AGAP3: variants seen among roughly 807,000 people sequenced by gnomAD.
AGAP3 encodes ArfGAP with GTPase domain, ankyrin repeat and PH domain 3, also known as arf-GAP with GTPase, ANK repeat and PH domain-containing protein 3.
AGAP3 carries 24 observed loss-of-function variants against 96.9 expected under a neutral mutation model. That is an observed-to-expected ratio of 0.25 (90% CI 0.18 to 0.35). The LOEUF (loss-of-function observed/expected upper bound fraction) is 0.35. Ranked by LOEUF, AGAP3 falls within the 10% of genes least tolerant of loss-of-function variation. The pLI is 1.00. For synonymous variants in AGAP3, 563 were observed against 536.1 expected (o/e 1.05, Z -0.69); for missense variants, 876 against 1,254.2 (o/e 0.70, Z 4.55).
chr7:151,106,700 C>A, intron 1 of AGAP3, among the ~76,000 whole-genome samples: 1 of 152,170 alleles, frequency 6.6e-6, no homozygotes, highest in East Asian at 1.9e-4. Context: ...TGATCTCGAA[C>A]TCCTGACCTC....
At chr7:151,115,215 C>G (rs1047503858) in intron 1 of AGAP3, 448 of 1,001,540 alleles carry the variant, frequency 4.5e-4, no homozygotes, top group Non-Finnish European at 5.2e-4. Flanking sequence ...GGGTCTGGGG[C>G]GCGCGGGCAG....
intron 8 of AGAP3, chr7:151,122,776 C>G: frequency 6.2e-7 from 1 of 1,613,898 alleles, no homozygotes; most frequent in Non-Finnish European, 8.5e-7. Context: ...TTTCCAACTC[C>G]TTCCAAATTA....
At position 151,117,261 on chromosome 7, in the gene AGAP3, C is replaced by T. The variant is rs1585074081; in HGVS notation, c.478+79C>T. 3.2e-6 allele frequency: 5 copies of T among 1,572,520 alleles called. No individual in the cohort carries two copies. In the East Asian group the frequency reaches 1.1e-4, roughly 35 times the overall value. On this transcript the variant is annotated intron_variant, in intron 3 of 17. Transcript: ENST00000397238. ...TGCCCACAGGGTCTGGGTGGGGGGT[C>T]TCCAGCCCCCTTCCAGTCCTCTTCC...
rs767921983 is a variant in AGAP3, at chr7:151,117,160, T to C, written c.456T>C (p.Tyr152=). 10 of 1,614,062 alleles carry C rather than the reference T, an allele frequency of 6.2e-6. No individual in the cohort carries two copies. Among genetic ancestry groups the C allele is most frequent in the Middle Eastern group, 3.3e-4 (2 of 6,058 alleles). Residue 152 remains tyrosine, a synonymous_variant, in exon 3 of 18, where the codon TAT becomes TAC. Transcript: ENST00000397238. The part of the protein sequence containing the change: ...ALVHRYLTGT[Y]VQEESPEGGR... ...TGCACCGCTATCTGACGGGGACCTA[T>C]GTCCAGGAGGAGTCCCCTGAAGGTG...
chr7:151,087,106 G>A lies in AGAP3; in HGVS notation c.331+34G>A. 3.2e-6 allele frequency: 5 copies of A among 1,562,250 alleles called. No homozygotes were observed. The South Asian group carries it at 4.7e-5, about 15-fold the overall frequency. On this transcript the variant is annotated intron_variant, in intron 1 of 17. Transcript: ENST00000397238. ...AGCCGGGGGCTGCGGGAGCCGGGGC[G>A]CAGTGGCCTCTCCGGCGCCGGCCGA...
chr7:151,144,100 AGAGT>A lies in AGAP3; in HGVS notation c.*158_*161del. On this transcript the variant is annotated 3_prime_UTR_variant, in exon 18 of 18. Coordinates refer to ENST00000397238, the MANE Select transcript of AGAP3 (RefSeq NM_031946.7). ...GGGAGGAGAGTCAAAGGGATCAAGG[AGAGT>A]TGGGGATTTGAGCTGCAGCAGAGAG... 1.3e-6 allele frequency: 1 copy of A among 781,312 alleles called. No individual in the cohort carries two copies. The highest frequency in any genetic ancestry group is 2.0e-6 in the Non-Finnish European group (1 of 498,476). The allele number at this position is 781,312 out of a possible 1,614,324, so 48.4% of individuals were successfully genotyped here. A position where few individuals can be genotyped will look rare whatever the true frequency, so the allele number is the denominator to read the frequency against.
chr7:151,114,715 G>A lies in AGAP3; in HGVS notation c.332-2078G>A, dbSNP rs1335508733. On this transcript the variant is annotated intron_variant, in intron 1 of 17. Coordinates refer to ENST00000397238, the MANE Select transcript of AGAP3 (RefSeq NM_031946.7). The surrounding 1 kb of genome is among the most constrained non-coding windows in gnomAD (Gnocchi z 4.4). ...TGCGCCCCGGCCGCGGCCCCGGCCC[G>A]GGCCCAGCCCCGTGCCCCTCGCCAT... 3 of 1,000,978 alleles carry A rather than the reference G, an allele frequency of 3.0e-6. No homozygotes were observed. Among genetic ancestry groups the A allele is most frequent in the African/African-American group, 1.7e-5 (1 of 57,322 alleles). The allele number at this position is 1,000,978 out of a possible 1,614,324, so 62.0% of individuals were successfully genotyped here.
chr7:151,141,811 A>G lies in AGAP3; in HGVS notation c.1805-87A>G. On this transcript the variant is annotated intron_variant, in intron 13 of 17. Coordinates refer to ENST00000397238, the MANE Select transcript of AGAP3 (RefSeq NM_031946.7). This position sits in a 1 kb window ranked among gnomAD's most constrained non-coding sequence, Gnocchi z 4.2. Reference sequence around the variant, plus strand: ...AGGGGAGGACACTTGCCAGTGGAGCAGGGTAGTGAGTGGAGTTGTGGCGAT... The same window carrying G: ...AGGGGAGGACACTTGCCAGTGGAGCGGGGTAGTGAGTGGAGTTGTGGCGAT... 6.4e-7 allele frequency: 1 copy of G among 1,555,644 alleles called. No homozygotes were observed. Among genetic ancestry groups the G allele is most frequent in the South Asian group, 1.1e-5 (1 of 89,016 alleles).
intron 1 of AGAP3, among the ~76,000 whole-genome samples, chr7:151,103,016 C>T (rs1396533563): frequency 6.6e-6 from 1 of 152,272 alleles, no homozygotes; most frequent in Non-Finnish European, 1.5e-5. Context: ...TGTGCTACTG[C>T]ACTCCAGCTT....
intron 1 of AGAP3, among the ~76,000 whole-genome samples, chr7:151,102,241 T>C (rs1798859307): frequency 6.6e-6 from 1 of 152,198 alleles, no homozygotes; most frequent in Non-Finnish European, 1.5e-5. Flanking sequence ...GGCCCAGAGC[T>C]CCGGTGAGCC....
chr7:151,120,049 C>T lies in AGAP3; in HGVS notation c.1032C>T (p.Ser344=). Residue 344 remains serine, a synonymous_variant, in exon 8 of 18, where the codon AGC becomes AGT. Coordinates refer to ENST00000397238, the MANE Select transcript of AGAP3 (RefSeq NM_031946.7). ...CGTCCTCAGTCCCCTCCACCCCCAG[C>T]ATCAGCCAGCGGGAGCTGCGCATCG... ...DYSSSVPSTP[S]ISQRELRIET... is the part of the protein sequence containing the mutation. 1 of 1,613,982 alleles carries T rather than the reference C, an allele frequency of 6.2e-7. No homozygotes were observed.
chr7:151,101,542 G>T (rs1315927166), intron 1 of AGAP3, among the ~76,000 whole-genome samples: 1 of 152,198 alleles, frequency 6.6e-6, no homozygotes, highest in Non-Finnish European at 1.5e-5. Flanking sequence ...TGGAAGCCAG[G>T]ACTCAGGAGA....
At chr7:151,087,314 T>A in intron 1 of AGAP3, 1 of 542,266 alleles carries the variant, frequency 1.8e-6, no homozygotes, top group Non-Finnish European at 3.3e-6. Context: ...GCGAAGGTGG[T>A]GTCGCTTGGG....
At chr7:151,101,802 G>A (rs922869571) in intron 1 of AGAP3, among the ~76,000 whole-genome samples, 4 of 152,176 alleles carry the variant, frequency 2.6e-5, no homozygotes, top group African/African-American at 9.7e-5. Flanking sequence ...TCGGGAGGCC[G>A]GGAGAGAATC....
At position 151,133,320 on chromosome 7, in the gene AGAP3, C is replaced by G. The variant is rs527846238; in HGVS notation, c.1327-1080C>G. On this transcript the variant is annotated intron_variant, in intron 10 of 17. Coordinates refer to ENST00000397238, the MANE Select transcript of AGAP3 (RefSeq NM_031946.7). This position sits in a 1 kb window ranked among gnomAD's most constrained non-coding sequence, Gnocchi z 5.4. ...CAACAGGCTGGGACAGCCCTTAGGG[C>G]AGTGTCTGATACTAAACACTTGTCA... 6.6e-6 allele frequency among the ~76,000 whole-genome samples: 1 copy of G among 152,170 alleles called. No homozygotes were observed. The highest frequency in any genetic ancestry group is 1.5e-5 in the Non-Finnish European group (1 of 68,030).
At chr7:151,135,934 C>A (rs1405316383) in intron 11 of AGAP3, among the ~76,000 whole-genome samples, 1 of 152,110 alleles carries the variant, frequency 6.6e-6, no homozygotes, top group Non-Finnish European at 1.5e-5. Context: ...CCACCCTGAG[C>A]TCAGAAAGGA....
chr7:151,104,896 A>T (rs185609744), intron 1 of AGAP3, among the ~76,000 whole-genome samples: 16 of 152,316 alleles, frequency 1.1e-4, no homozygotes, highest in South Asian at 8.3e-4. Flanking sequence ...GTGAGATGCT[A>T]TGAAGCCAGG....
chr7:151,093,080 TAGAC>T (rs1798462309), intron 1 of AGAP3, among the ~76,000 whole-genome samples: 1 of 152,216 alleles, frequency 6.6e-6, no homozygotes, highest in South Asian at 2.1e-4. Flanking sequence ...TAGCGTACAA[TAGAC>T]AGATGCTTGC....
intron 10 of AGAP3, among the ~76,000 whole-genome samples, chr7:151,130,883 C>T (rs892638297): frequency 1.3e-5 from 2 of 152,214 alleles, no homozygotes; most frequent in African/African-American, 4.8e-5. Flanking sequence ...CCCCTGGCCG[C>T]CACCTTCCAG....
Sources: allele counts gnomAD v4.1 joint callset (sites outside exome capture counted in the v4.1 genomes callset), GRCh38; gene constraint gnomAD v4.1.1; non-coding constraint Gnocchi (gnomAD v3.1); transcripts MANE v1.5; gene names NCBI Gene and HGNC (gene_info 2026-07-23, HGNC 2026-07-21).